COL21A1: variants seen among roughly 807,000 people sequenced by gnomAD.
COL21A1 encodes collagen type XXI alpha 1 chain.
COL21A1 carries 149 observed loss-of-function variants against 137.9 expected under a neutral mutation model. That is an observed-to-expected ratio of 1.08 (90% CI 0.95 to 1.24). The LOEUF (loss-of-function observed/expected upper bound fraction) is 1.24, where lower values mean the gene tolerates loss of function less well. Among genes scored for constraint, COL21A1 ranks in the 50% most tolerant of loss-of-function variants. The probability of loss-of-function intolerance (pLI) is 0.00; values close to 1 mark genes in which losing one functional copy is unlikely to be tolerated. For synonymous variants in COL21A1, 456 were observed against 391.5 expected, an observed-to-expected ratio of 1.16 and a Z score of -1.95; for missense variants, 1,167 against 1,158.4, an observed-to-expected ratio of 1.01 and a Z score of -0.11.
intron 17 of COL21A1, among the ~76,000 whole-genome samples, chr6:56,095,997 C>A (rs1182884981): frequency 6.6e-6 from 1 of 152,048 alleles, no homozygotes; most frequent in Non-Finnish European, 1.5e-5. Context: ...CAGGCGCCCA[C>A]CACCACGCCT....
rs1368959335 is a variant in COL21A1, at chr6:56,145,162, T to C, written c.1435-3179A>G. ...ATGATTTAACTCTTTTCCAACATTA[T>C]ACAGATCTAATGCTAAACATGCAAA... is the stretch of plus-strand genomic sequence containing the variant. On this transcript the variant is annotated intron_variant, in intron 10 of 29. Transcript: ENST00000244728. Among the ~76,000 whole-genome samples the C allele has an allele frequency of 4.6e-5, 7 of 152,240 alleles. 1 individual carries two copies. The highest frequency in any genetic ancestry group is 4.6e-4 in the Admixed American group (7 of 15,284).
At chr6:56,297,304 CA>C (rs1764186283) in intron 1 of COL21A1, among the ~76,000 whole-genome samples, 1 of 151,916 alleles carries the variant, frequency 6.6e-6, no homozygotes, top group Non-Finnish European at 1.5e-5. Context: ...AATTCCTCCC[CA>C]AAAAAACCTG....
At chr6:56,222,242 T>C (rs2152312985) in intron 1 of COL21A1, among the ~76,000 whole-genome samples, 2 of 152,218 alleles carry the variant, frequency 1.3e-5, no homozygotes, top group Middle Eastern at 6.8e-3. Flanking sequence ...TATTGCACTC[T>C]AGCCTTGGCA....
At chr6:56,145,533 G>A (rs925731546) in intron 10 of COL21A1, among the ~76,000 whole-genome samples, 5 of 152,004 alleles carry the variant, frequency 3.3e-5, no homozygotes, top group Non-Finnish European at 4.4e-5. Flanking sequence ...TTACAACACA[G>A]AACAATTTCC....
At chr6:56,117,008 A>G (rs1771996087) in intron 16 of COL21A1, among the ~76,000 whole-genome samples, 1 of 152,014 alleles carries the variant, frequency 6.6e-6, no homozygotes, top group South Asian at 2.1e-4. Flanking sequence ...TCTTCACTAG[A>G]GGACAATAGG....
At chr6:56,205,574 C>A (rs908266077) in intron 1 of COL21A1, among the ~76,000 whole-genome samples, 10 of 152,158 alleles carry the variant, frequency 6.6e-5, no homozygotes, top group African/African-American at 2.4e-4. Flanking sequence ...GGATATTATC[C>A]AGGAGAACTT....
chr6:56,069,764 T>TA (rs1368160339), intron 21 of COL21A1, among the ~76,000 whole-genome samples: 8 of 150,748 alleles, frequency 5.3e-5, no homozygotes, highest in Admixed American at 4.7e-4. Context: ...TATCCATATT[T>TA]ATCAACTGTA....
In COL21A1 at chr6:56,057,211, G is replaced by A; in HGVS notation, c.*446C>T. ...TCTATCCCAGGTGAATATCAGCCCT[G>A]ATCTTACTTCCAATGATGAGATACA... On this transcript the variant is annotated 3_prime_UTR_variant, in exon 30 of 30. Coordinates refer to ENST00000244728, the MANE Select transcript of COL21A1 (RefSeq NM_030820.4). The A allele has an allele frequency of 4.2e-6, 1 of 237,142 alleles. No homozygotes were observed. The highest frequency in any genetic ancestry group is 5.7e-5 in the Admixed American group (1 of 17,556). The allele number at this position is 237,142 out of a possible 1,614,324, so 14.7% of individuals were successfully genotyped here.
intron 9 of COL21A1, among the ~76,000 whole-genome samples, chr6:56,162,481 G>A (rs777907424): frequency 6.6e-6 from 1 of 152,128 alleles, no homozygotes; most frequent in African/African-American, 2.4e-5. Flanking sequence ...TAAAAATTTC[G>A]TGTAGAAAGT....
chr6:56,079,288 A>G (rs958393789), intron 17 of COL21A1, among the ~76,000 whole-genome samples: 1 of 151,738 alleles, frequency 6.6e-6, no homozygotes, highest in Non-Finnish European at 1.5e-5. Context: ...CTTGGCTCCC[A>G]GAGTCCCTAA....
At chr6:56,229,439 G>T (rs974568708) in intron 1 of COL21A1, among the ~76,000 whole-genome samples, 1 of 151,934 alleles carries the variant, frequency 6.6e-6, no homozygotes, top group Admixed American at 6.6e-5. Flanking sequence ...ATATGTTTTA[G>T]ATAAAGTTAA....
chr6:56,142,730 T>G (rs953898312), intron 10 of COL21A1, among the ~76,000 whole-genome samples: 7 of 152,192 alleles, frequency 4.6e-5, no homozygotes, highest in Admixed American at 2.6e-4. Context: ...GATTGTCAGG[T>G]TAATGGACCA....
intron 10 of COL21A1, among the ~76,000 whole-genome samples, chr6:56,149,957 C>T (rs1775157542): frequency 6.6e-6 from 1 of 152,156 alleles, no homozygotes; most frequent in Admixed American, 6.5e-5. Flanking sequence ...CTCCATTGCT[C>T]ACTCCAACTG....
intron 3 of COL21A1, among the ~76,000 whole-genome samples, chr6:56,174,445 G>C (rs1054938123): frequency 6.6e-6 from 1 of 151,744 alleles, no homozygotes; most frequent in Non-Finnish European, 1.5e-5. Context: ...TAAAAACAGA[G>C]AAGACTCAAA....
At chr6:56,361,839 T>C (rs1389218207) in intron 1 of COL21A1, among the ~76,000 whole-genome samples, 1 of 152,170 alleles carries the variant, frequency 6.6e-6, no homozygotes, top group Non-Finnish European at 1.5e-5. Context: ...AATATCTCTT[T>C]AAGTAGCATT....
chr6:56,164,242 C>T (rs543475366), intron 9 of COL21A1, among the ~76,000 whole-genome samples, 181 bp downstream of exon 9: 1 of 152,176 alleles, frequency 6.6e-6, no homozygotes, highest in South Asian at 2.1e-4. Flanking sequence ...AAAAGGTATC[C>T]TAATCTAGGC....
chr6:56,161,742 G>C (rs1026211229), intron 9 of COL21A1, among the ~76,000 whole-genome samples: 3 of 152,062 alleles, frequency 2.0e-5, no homozygotes, highest in African/African-American at 4.8e-5. Flanking sequence ...GCCTGATAAA[G>C]AGTTACAATG....
chr6:56,200,664 T>C (rs575275286), intron 1 of COL21A1, among the ~76,000 whole-genome samples: 2 of 152,108 alleles, frequency 1.3e-5, no homozygotes, highest in East Asian at 3.9e-4. Context: ...TAGTATTCCA[T>C]GGTGTATATG....
intron 10 of COL21A1, among the ~76,000 whole-genome samples, chr6:56,150,642 A>T (rs1582491062): frequency 6.6e-6 from 1 of 151,916 alleles, no homozygotes; most frequent in Non-Finnish European, 1.5e-5. Context: ...GCAGTGAGCT[A>T]TCAGTTTTTC....
Sources: allele counts gnomAD v4.1 joint callset (sites outside exome capture counted in the v4.1 genomes callset), GRCh38; gene constraint gnomAD v4.1.1; transcripts MANE v1.5; gene names NCBI Gene and HGNC (gene_info 2026-07-23, HGNC 2026-07-21).